FAH: variants seen among roughly 807,000 people sequenced by gnomAD.
The protein encoded by FAH is fumarylacetoacetase.
Under a neutral mutation model 55.8 loss-of-function variants are expected in FAH, and 47 were observed. The ratio of observed to expected loss-of-function variants is 0.84; its 90% CI spans 0.67 to 1.07. The LOEUF is 1.07. FAH is among the 50% of genes least tolerant of loss of function. The pLI is 0.00. For missense variants in FAH, 495 were observed against 545.9 expected (o/e 0.91, Z 0.93); for synonymous variants, 199 against 207.7 (o/e 0.96, Z 0.36).
intron 1 of FAH, among the ~76,000 whole-genome samples, chr15:80,155,369 T>C (rs1171561281): frequency 6.6e-6 from 1 of 152,144 alleles, no homozygotes; most frequent in Non-Finnish European, 1.5e-5. Context: ...CAGATATTAA[T>C]TAAATTCTCA....
chr15:80,166,151 G>A (rs2041189918), intron 5 of FAH: 1 of 151,896 alleles, frequency 6.6e-6, no homozygotes, highest in South Asian at 2.1e-4. Context: ...TTGAGACTGG[G>A]TCTTACTTGG....
chr15:80,172,372 G>A (rs1244806508), intron 8 of FAH, 124 bp downstream of exon 8: 2 of 720,260 alleles, frequency 2.8e-6, no homozygotes, highest in African/African-American at 3.5e-5. Flanking sequence ...GACTGAGAGT[G>A]GGGGTCTGGG....
chr15:80,154,647 C>G (rs2041082959), intron 1 of FAH, among the ~76,000 whole-genome samples: 1 of 152,264 alleles, frequency 6.6e-6, no homozygotes, highest in South Asian at 2.1e-4. Context: ...CTCCCTTCCC[C>G]CATGTCAGCA....
At position 80,181,032 on chromosome 15, in the gene FAH, T is replaced by C. The variant is rs1432919263; in HGVS notation, c.1063-10T>C. ...TCATGTTATTCTTTCTTCCCTTTCC[T>C]GTGATGAAGGAGCCAGAAAACTTCG... On this transcript the variant is annotated splice_polypyrimidine_tract_variant and intron_variant, in intron 12 of 13. Transcript: ENST00000561421. 1 of 1,603,910 alleles carries C rather than the reference T, an allele frequency of 6.2e-7. No individual in the cohort carries two copies. The highest frequency in any genetic ancestry group is 2.2e-5 in the East Asian group (1 of 44,748).
intron 2 of FAH, among the ~76,000 whole-genome samples, chr15:80,158,701 G>A (rs1238551013): frequency 6.6e-6 from 1 of 152,152 alleles, no homozygotes; most frequent in Non-Finnish European, 1.5e-5. Context: ...GGATTTATGG[G>A]TACCTCTTGT....
chr15:80,156,728 C>T (rs376185187), intron 1 of FAH: 1 of 152,192 alleles, frequency 6.6e-6, no homozygotes. Context: ...TGGATCTGAC[C>T]TGTGAGCCCC....
At chr15:80,158,722 C>T (rs2041121417) in intron 2 of FAH, among the ~76,000 whole-genome samples, 1 of 152,142 alleles carries the variant, frequency 6.6e-6, no homozygotes, top group Non-Finnish European at 1.5e-5. Context: ...GTGCCAGGAG[C>T]TTCGCACACA....
Position 80,168,309 on chromosome 15 carries a change from T to C in FAH, c.599T>C (p.Leu200Pro). ...YGACKLLDME[L>P]EMAFFVGPGN... ...GCCTGCAAGCTCTTGGACATGGAGC[T>C]GGAAATGGTAAGTGAGCTTGATGTT... The change falls in exon 7 of 14, where the codon CTG becomes CCG. Residue 200 changes from leucine (L) to proline (P), a missense_variant. Coordinates refer to ENST00000561421, the MANE Select transcript of FAH (RefSeq NM_000137.4). 1.2e-6 allele frequency: 2 copies of C among 1,612,088 alleles called. No homozygotes were observed. The highest frequency in any genetic ancestry group is 1.7e-6 in the Non-Finnish European group (2 of 1,179,880).
intron 10 of FAH, among the ~76,000 whole-genome samples, chr15:80,176,919 A>G (rs2142105040): frequency 6.6e-6 from 1 of 152,334 alleles, no homozygotes; most frequent in South Asian, 2.1e-4. Flanking sequence ...GCTGAAGAGC[A>G]CACCTGTTCT....
intron 2 of FAH, 130 bp downstream of exon 2, chr15:80,158,300 A>G (rs540958004): frequency 2.5e-6 from 2 of 786,206 alleles, no homozygotes; most frequent in South Asian, 1.4e-5. Context: ...TTATACTTGG[A>G]TAAGGCTGGG....
intron 11 of FAH, 123 bp from the exon 12 acceptor site, chr15:80,180,001 A>T (rs2041315534): frequency 4.1e-6 from 3 of 733,184 alleles, no homozygotes; most frequent in Non-Finnish European, 7.2e-6. Context: ...TGGCTGGGGG[A>T]GCTGGGGACC....
Position 80,155,940 on chromosome 15 carries a change from G to T in FAH, c.82-2120G>T. ...ACTACAAACTTCAAAGAGGAACCAG[G>T]AGTACAGGAGGAACATGAAAGTGGA... On this transcript the variant is annotated intron_variant, in intron 1 of 13. Transcript: ENST00000561421. 9 of 477,896 alleles carry T rather than the reference G, an allele frequency of 1.9e-5. 2 individuals are homozygous for T. The highest frequency in any genetic ancestry group is 1.4e-4 in the South Asian group (9 of 65,338). The allele number at this position is 477,896 out of a possible 1,614,324, so 29.6% of individuals were successfully genotyped here.
Position 80,162,551 on chromosome 15 carries a change from A to T in FAH, c.455+215A>T, listed in dbSNP as rs75562472. On this transcript the variant is annotated intron_variant, in intron 5 of 13. Transcript: ENST00000561421. ...GTGGGATCGAAGGGCAAGTCCCTTA[A>T]ACTTCCTTGGACAGCAGGGGTTGGA... 942 of 614,992 alleles carry T rather than the reference A, an allele frequency of 1.5e-3. 5 individuals carry two copies. In the African/African-American group the frequency reaches 0.016, roughly 11 times the overall value. The allele number at this position is 614,992 out of a possible 1,614,324, so 38.1% of individuals were successfully genotyped here. A position where few individuals can be genotyped will look rare whatever the true frequency, so the allele number is the denominator to read the frequency against.
chr15:80,165,211 T>G (rs918798975), intron 5 of FAH, among the ~76,000 whole-genome samples: 1 of 151,938 alleles, frequency 6.6e-6, no homozygotes, highest in Non-Finnish European at 1.5e-5. Context: ...GCCAATATGG[T>G]GAAACCCTGT....
At chr15:80,174,375 C>T (rs1382111304) in intron 9 of FAH, among the ~76,000 whole-genome samples, 1 of 152,188 alleles carries the variant, frequency 6.6e-6, no homozygotes, top group Non-Finnish European at 1.5e-5. Context: ...TAATGTTTTC[C>T]TTCAGAGTGG....
intron 7 of FAH, among the ~76,000 whole-genome samples, chr15:80,169,978 C>T (rs2041226141): frequency 6.6e-6 from 1 of 152,234 alleles, no homozygotes; most frequent in African/African-American, 2.4e-5. Flanking sequence ...GGTGCTCTAT[C>T]ACAACCTGGA....
At chr15:80,186,885 ATT>A (rs2041375668), downstream of FAH, 12 of 158,052 alleles carry the variant, frequency 7.6e-5, no homozygotes, top group South Asian at 2.0e-3. Context: ...GTAGAATAGC[ATT>A]TGAGCAAATA....
intron 13 of FAH, among the ~76,000 whole-genome samples, chr15:80,183,717 C>T (rs750427414): frequency 6.6e-5 from 10 of 152,216 alleles, no homozygotes; most frequent in East Asian, 1.9e-4. Flanking sequence ...CAGCCAACGC[C>T]GCAGCACTTA....
chr15:80,171,838 G>A (rs2041243537), intron 7 of FAH, among the ~76,000 whole-genome samples: 1 of 152,178 alleles, frequency 6.6e-6, no homozygotes, highest in Admixed American at 6.5e-5. Context: ...GTCTTGAAAG[G>A]CAAAGGCTGT....
Sources: allele counts gnomAD v4.1 joint callset (sites outside exome capture counted in the v4.1 genomes callset), GRCh38; gene constraint gnomAD v4.1.1; transcripts MANE v1.5; gene names NCBI Gene and HGNC (gene_info 2026-07-23, HGNC 2026-07-21).